The following MYCBP2 variants were observed in gnomAD, a reference collection of about 807,000 sequenced individuals.
The protein encoded by MYCBP2 is E3 ubiquitin-protein ligase MYCBP2.
A neutral mutation model predicts 525.3 loss-of-function variants in MYCBP2; 120 were observed. That is an observed-to-expected ratio of 0.23 (90% confidence interval 0.20 to 0.27). MYCBP2 has a LOEUF of 0.27. MYCBP2 is among the 10% of genes least tolerant of loss of function. The probability of loss-of-function intolerance (pLI) is 1.00; values close to 1 mark genes in which losing one functional copy is unlikely to be tolerated. For missense variants in MYCBP2, 4,149 were observed against 5,657.1 expected (o/e 0.73, Z 8.55); for synonymous variants, 1,894 against 1,955.8 (o/e 0.97, Z 0.83).
At chr13:77,224,895 C>A (rs952556196) in intron 19 of MYCBP2, among the ~76,000 whole-genome samples, 1 of 151,958 alleles carries the variant, frequency 6.6e-6, no homozygotes, top group Non-Finnish European at 1.5e-5. Context: ...TGCACAATTA[C>A]GTACAACATC....
At chr13:77,137,367 A>G (rs2154179637) in intron 52 of MYCBP2, among the ~76,000 whole-genome samples, 1 of 152,358 alleles carries the variant, frequency 6.6e-6, no homozygotes, top group South Asian at 2.1e-4. Flanking sequence ...AAATGAGCAA[A>G]GAAATCAGAG....
chr13:77,196,221 G>A (rs2061739840), intron 26 of MYCBP2, among the ~76,000 whole-genome samples: 1 of 152,200 alleles, frequency 6.6e-6, no homozygotes, highest in South Asian at 2.1e-4. Context: ...ACAATAAGCA[G>A]GCCAGTGTCA....
intron 20 of MYCBP2, 67 bp downstream of exon 20, chr13:77,224,384 A>G: frequency 1.0e-6 from 1 of 995,570 alleles, no homozygotes; most frequent in Non-Finnish European, 1.5e-6. Context: ...AAAAGAAAGA[A>G]AAAAGAAGGA....
rs180928479 is a variant in MYCBP2, at chr13:77,127,260, T to A, written c.7660-718A>T. On this transcript the variant is annotated intron_variant, in intron 52 of 82. Transcript: ENST00000544440. Reference sequence around the variant, plus strand: ...TTTAGTAGAAAGGAGAAATTAAACATGGATTTAAGTAAATATAACGTAAAT... The same window carrying A: ...TTTAGTAGAAAGGAGAAATTAAACAAGGATTTAAGTAAATATAACGTAAAT... Among the ~76,000 whole-genome samples the A allele has an allele frequency of 3.5e-4, 53 of 152,088 alleles. No individual in the cohort carries two copies. The East Asian group carries it at 9.6e-3, about 28-fold the overall frequency.
chr13:77,174,151 T>C (rs1358477351), intron 37 of MYCBP2, among the ~76,000 whole-genome samples, 160 bp downstream of exon 37: 1 of 152,230 alleles, frequency 6.6e-6, no homozygotes, highest in Admixed American at 6.5e-5. Context: ...AATTTATATA[T>C]TAAAAAGAGA....
chr13:77,219,041 A>C (rs776296512), intron 20 of MYCBP2, among the ~76,000 whole-genome samples: 21 of 152,144 alleles, frequency 1.4e-4, no homozygotes, highest in Non-Finnish European at 2.6e-4. Context: ...GCAACAGAGT[A>C]GATAGTGGTA....
intron 50 of MYCBP2, among the ~76,000 whole-genome samples, chr13:77,140,473 ATTACC>A: frequency 6.6e-6 from 1 of 152,324 alleles, no homozygotes; most frequent in East Asian, 1.9e-4. Flanking sequence ...AATAAATTCA[ATTACC>A]AATATTTCAT....
intron 17 of MYCBP2, among the ~76,000 whole-genome samples, chr13:77,240,306 T>C (rs2068621634): frequency 6.6e-6 from 1 of 152,102 alleles, no homozygotes; most frequent in African/African-American, 2.4e-5. Context: ...AATGCAAAAA[T>C]ATTCATTTAA....
intron 21 of MYCBP2, among the ~76,000 whole-genome samples, chr13:77,212,482 A>G (rs555541348): frequency 1.6e-4 from 24 of 152,344 alleles, no homozygotes; most frequent in African/African-American, 5.0e-4. Flanking sequence ...ACAAATACAC[A>G]CAATATGTTA....
Position 77,261,205 on chromosome 13 carries a change from T to C in MYCBP2, c.1818A>G (p.Thr606=), listed in dbSNP as rs2073208127. The C allele has an allele frequency of 2.5e-6, 4 of 1,613,330 alleles. No homozygotes were observed. Among genetic ancestry groups the C allele is most frequent in the Non-Finnish European group, 3.4e-6 (4 of 1,179,482 alleles). The change falls in exon 12 of 83, where the codon ACA becomes ACG. Residue 606 remains threonine, a synonymous_variant. Coordinates refer to ENST00000544440, the MANE Select transcript of MYCBP2 (RefSeq NM_015057.5). Reference sequence around the variant, plus strand: ...CATCTTCTCCTTTACTAGCAGATCCTGTAAAGAATATGCTCCCATCTTCTG... The same window carrying C: ...CATCTTCTCCTTTACTAGCAGATCCCGTAAAGAATATGCTCCCATCTTCTG... ...LVAEDGSIFF[T]GSASKGEDGE...
chr13:77,065,609 A>C (rs1320731542), intron 72 of MYCBP2, among the ~76,000 whole-genome samples: 1 of 152,242 alleles, frequency 6.6e-6, no homozygotes, highest in Non-Finnish European at 1.5e-5. Flanking sequence ...TTAATAAAGA[A>C]GAATAAAGGG....
At chr13:77,203,970 C>T (rs956649517) in intron 26 of MYCBP2, among the ~76,000 whole-genome samples, 1 of 152,014 alleles carries the variant, frequency 6.6e-6, no homozygotes, top group South Asian at 2.1e-4. Context: ...CATTACCATT[C>T]AGGACATAGG....
intron 1 of MYCBP2, among the ~76,000 whole-genome samples, chr13:77,318,506 A>G (rs28569186): frequency 6.6e-6 from 1 of 152,258 alleles, no homozygotes; most frequent in African/African-American, 2.4e-5. Context: ...CTGTAATCCC[A>G]GCACTTTGGG....
In MYCBP2 at chr13:77,225,361, C is replaced by A. The variant is rs2066112001; in HGVS notation, c.2857+74G>T. 5 of 1,590,606 alleles carry A rather than the reference C, an allele frequency of 3.1e-6. No individual in the cohort carries two copies. In the African/African-American group the frequency reaches 4.0e-5, roughly 13 times the overall value. On this transcript the variant is annotated intron_variant, in intron 19 of 82. Coordinates refer to ENST00000544440, the MANE Select transcript of MYCBP2 (RefSeq NM_015057.5). Reference sequence around the variant, plus strand: ...TAACACACAGTTAACAGGCTATGTTCATCAAATCTGAAGAAATAAGTTACT... The same window carrying A: ...TAACACACAGTTAACAGGCTATGTTAATCAAATCTGAAGAAATAAGTTACT...
At chr13:77,321,641 ACT>A (rs1310581033) in intron 1 of MYCBP2, among the ~76,000 whole-genome samples, 1 of 152,160 alleles carries the variant, frequency 6.6e-6, no homozygotes, top group Non-Finnish European at 1.5e-5. Context: ...CAGAATTCCT[ACT>A]GTTACCTACA....
chr13:77,270,095 G>A (rs1169232558), intron 6 of MYCBP2, 32 bp from the exon 7 acceptor site: 1 of 1,552,836 alleles, frequency 6.4e-7, no homozygotes, highest in African/African-American at 1.4e-5. Flanking sequence ...GTATATCAGT[G>A]GTTTCATAAT....
At chr13:77,260,380 T>A (rs543189210) in intron 13 of MYCBP2, 48 bp downstream of exon 13, 2 of 1,339,774 alleles carry the variant, frequency 1.5e-6, no homozygotes, top group East Asian at 2.5e-5. Flanking sequence ...CATACATAAC[T>A]AGTATTGAAA....
At chr13:77,283,584 G>A (rs1779070064) in intron 3 of MYCBP2, among the ~76,000 whole-genome samples, 1 of 152,100 alleles carries the variant, frequency 6.6e-6, no homozygotes, top group Non-Finnish European at 1.5e-5. Context: ...TGGGAAATAT[G>A]ACTTCTAAGC....
chr13:77,174,910 T>TAATATATTTTAAATATA (rs1555383643), intron 36 of MYCBP2, among the ~76,000 whole-genome samples: 1 of 84,292 alleles, frequency 1.2e-5, no homozygotes, highest in African/African-American at 7.0e-5. Flanking sequence ...TATATATATA[T>TAATATATTTTAAATATA]AATATATATT....
Sources: allele counts gnomAD v4.1 joint callset (sites outside exome capture counted in the v4.1 genomes callset), GRCh38; gene constraint gnomAD v4.1.1; transcripts MANE v1.5; gene names NCBI Gene and HGNC (gene_info 2026-07-23, HGNC 2026-07-21).